SLC13A3: variants seen among roughly 807,000 people sequenced by gnomAD.
SLC13A3 encodes the protein Na(+)/dicarboxylate cotransporter 3.
A neutral mutation model predicts 59.0 loss-of-function variants in SLC13A3; 40 were observed. That is an observed-to-expected ratio of 0.68 (90% CI 0.53 to 0.88). The LOEUF is 0.88. SLC13A3 is among the 40% of genes least tolerant of loss of function. SLC13A3 has a pLI of 0.00. For synonymous variants in SLC13A3, 317 were observed against 330.3 expected (o/e 0.96, Z 0.44); for missense variants, 699 against 783.2 (o/e 0.89, Z 1.28).
chr20:46,680,621 G>C (rs910833188), intron 1 of SLC13A3, among the ~76,000 whole-genome samples: 19 of 152,244 alleles, frequency 1.2e-4, no homozygotes, highest in African/African-American at 4.3e-4. Flanking sequence ...CATAATGTGA[G>C]ACTGCAAAGT....
intron 1 of SLC13A3, among the ~76,000 whole-genome samples, chr20:46,644,780 T>C (rs1296812600): frequency 6.6e-6 from 1 of 152,136 alleles, no homozygotes; most frequent in Non-Finnish European, 1.5e-5. Flanking sequence ...CCCAGGAACA[T>C]GGGGCCCACA....
chr20:46,585,261 T>C, intron 8 of SLC13A3: 1 of 964,906 alleles, frequency 1.0e-6, no homozygotes, highest in South Asian at 4.8e-5. Flanking sequence ...TGAAGATATG[T>C]GTGCGTATCT....
At chr20:46,634,217 G>A (rs989568094) in intron 1 of SLC13A3, among the ~76,000 whole-genome samples, 1 of 152,210 alleles carries the variant, frequency 6.6e-6, no homozygotes, top group African/African-American at 2.4e-5. Flanking sequence ...TGCTTGATAG[G>A]CATTTTCATA....
chr20:46,614,166 T>C (rs1568937839), intron 1 of SLC13A3, among the ~76,000 whole-genome samples: 1 of 152,198 alleles, frequency 6.6e-6, no homozygotes, highest in Non-Finnish European at 1.5e-5. Flanking sequence ...TGTGGACACC[T>C]GGATCTCAAT....
chr20:46,584,740 A>G (rs970922402), intron 8 of SLC13A3, among the ~76,000 whole-genome samples: 2 of 152,234 alleles, frequency 1.3e-5, no homozygotes, highest in Non-Finnish European at 2.9e-5. Flanking sequence ...CCAATTTTAC[A>G]TGTAAATACC....
At chr20:46,569,406 A>G (rs916883536) in intron 10 of SLC13A3, among the ~76,000 whole-genome samples, 1 of 152,200 alleles carries the variant, frequency 6.6e-6, no homozygotes, top group Non-Finnish European at 1.5e-5. Flanking sequence ...TGGCATGGCC[A>G]GAAGGTGAAG....
chr20:46,583,645 G>A lies in SLC13A3; in HGVS notation c.1146C>T (p.Gly382=), dbSNP rs200162874. ...AGAACAAGATGGTGACAATAGCCAC[G>A]CCGGTGACAGCATCAGAAAGAAACC... ...NPGFLSDAVT[G]VAIVTILFFF... The change falls in exon 9 of 13, where the codon GGC becomes GGT. Residue 382 remains glycine (G), a synonymous_variant. Coordinates refer to ENST00000279027, the MANE Select transcript of SLC13A3 (RefSeq NM_022829.6). The A allele has an allele frequency of 7.1e-5, 115 of 1,614,000 alleles. No homozygotes were observed. In the African/African-American group the frequency reaches 9.7e-4, roughly 14 times the overall value.
intron 1 of SLC13A3, among the ~76,000 whole-genome samples, chr20:46,642,377 C>T (rs953836253): frequency 4.6e-5 from 7 of 152,188 alleles, no homozygotes; most frequent in Non-Finnish European, 2.9e-5. Context: ...TGCTGACCCT[C>T]GGTGCCTCCT....
At chr20:46,610,146 A>G (rs2062479704) in intron 3 of SLC13A3, among the ~76,000 whole-genome samples, 1 of 152,244 alleles carries the variant, frequency 6.6e-6, no homozygotes, top group African/African-American at 2.4e-5. Flanking sequence ...CTGTAAAACA[A>G]GGTTTAATTA....
chr20:46,674,706 G>T (rs1815805874), upstream of SLC13A3, among the ~76,000 whole-genome samples: 1 of 151,458 alleles, frequency 6.6e-6, no homozygotes, highest in African/African-American at 2.4e-5. Flanking sequence ...CAACAGGCAG[G>T]CTAGGTTTGG....
At chr20:46,617,138 G>A (rs1383663715) in intron 1 of SLC13A3, among the ~76,000 whole-genome samples, 1 of 152,186 alleles carries the variant, frequency 6.6e-6, no homozygotes, top group Non-Finnish European at 1.5e-5. Context: ...CACATTGTAG[G>A]CACTCAAAAT....
chr20:46,639,413 C>T (rs1282554881), intron 1 of SLC13A3, among the ~76,000 whole-genome samples: 2 of 152,096 alleles, frequency 1.3e-5, no homozygotes, highest in Admixed American at 6.6e-5. Context: ...GAGCTGAGAT[C>T]GTGCCACTGC....
Position 46,623,556 on chromosome 20 carries a change from C to G in SLC13A3, c.112-9831G>C, listed in dbSNP as rs548154294. On this transcript the variant is annotated intron_variant, in intron 1 of 12. Coordinates refer to ENST00000279027, the MANE Select transcript of SLC13A3 (RefSeq NM_022829.6). ...TCAGGAAGGTACTATTACTTTCCCC[C>G]TCTGTTTTGGGGGAAATTATAAAAA... Among the ~76,000 whole-genome samples the G allele has an allele frequency of 1.3e-4, 20 of 152,240 alleles. No individual in the cohort carries two copies. In the South Asian group the frequency reaches 4.2e-3, roughly 32 times the overall value.
chr20:46,672,473 G>C (rs1033523733), upstream of SLC13A3, among the ~76,000 whole-genome samples: 3 of 152,208 alleles, frequency 2.0e-5, no homozygotes, highest in Non-Finnish European at 4.4e-5. Context: ...CATGAAATGA[G>C]GCAGGCAGCA....
intron 1 of SLC13A3, among the ~76,000 whole-genome samples, chr20:46,618,092 GT>G (rs1194600202): frequency 6.6e-6 from 1 of 152,128 alleles, no homozygotes; most frequent in African/African-American, 2.4e-5. Flanking sequence ...ACTATAAGAT[GT>G]TTCACTTTCA....
intron 1 of SLC13A3, among the ~76,000 whole-genome samples, chr20:46,647,015 C>T (rs995392874): frequency 6.6e-6 from 1 of 152,084 alleles, no homozygotes; most frequent in African/African-American, 2.4e-5. Flanking sequence ...TACTACCATC[C>T]CCCCCAAATA....
At chr20:46,560,824 G>C (rs539066670) in intron 12 of SLC13A3, among the ~76,000 whole-genome samples, 1 of 152,280 alleles carries the variant, frequency 6.6e-6, no homozygotes, top group African/African-American at 2.4e-5. Context: ...GGACCATTCA[G>C]TCCACCTTGG....
intron 1 of SLC13A3, among the ~76,000 whole-genome samples, chr20:46,648,866 C>T (rs1318261583): frequency 6.6e-6 from 1 of 151,934 alleles, no homozygotes; most frequent in Non-Finnish European, 1.5e-5. Flanking sequence ...GATCGTGCCA[C>T]TGCACTCCAG....
chr20:46,590,051 C>T (rs539750598), intron 6 of SLC13A3, among the ~76,000 whole-genome samples: 89 of 152,140 alleles, frequency 5.8e-4, no homozygotes, highest in African/African-American at 2.0e-3. Context: ...CACAAGCCAT[C>T]AAAGATAGAT....
Sources: allele counts gnomAD v4.1 joint callset (sites outside exome capture counted in the v4.1 genomes callset), GRCh38; gene constraint gnomAD v4.1.1; transcripts MANE v1.5; gene names NCBI Gene and HGNC (gene_info 2026-07-23, HGNC 2026-07-21).